The following PLCE1 variants were observed in gnomAD, a reference collection of about 807,000 sequenced individuals.
PLCE1 encodes the protein 1-phosphatidylinositol 4,5-bisphosphate phosphodiesterase epsilon-1.
PLCE1 carries 119 observed loss-of-function variants against 242.8 expected under a neutral mutation model. That is an observed-to-expected ratio of 0.49 (90% CI 0.42 to 0.57). The LOEUF (loss-of-function observed/expected upper bound fraction) is 0.57. Ranked by LOEUF, PLCE1 falls within the 20% of genes least tolerant of loss-of-function variation. PLCE1 has a pLI of 0.00. For synonymous variants in PLCE1, 945 were observed against 1,017.4 expected, an observed-to-expected ratio of 0.93 and a Z score of 1.35; for missense variants, 2,441 against 2,788.8, an observed-to-expected ratio of 0.88 and a Z score of 2.81.
At chr10:94,027,927 C>G (rs2061484059) in intron 1 of PLCE1, among the ~76,000 whole-genome samples, 1 of 152,038 alleles carries the variant, frequency 6.6e-6, no homozygotes, top group Admixed American at 6.6e-5. Context: ...AAACCCAAAC[C>G]CATAGGGCTT....
At chr10:94,258,396 C>G (rs924342612) in intron 11 of PLCE1, among the ~76,000 whole-genome samples, 3 of 152,148 alleles carry the variant, frequency 2.0e-5, no homozygotes, top group African/African-American at 7.2e-5. Flanking sequence ...AAATGTAATT[C>G]TATAACTTAG....
At chr10:94,295,137 C>T (rs549837155) in intron 23 of PLCE1, among the ~76,000 whole-genome samples, 13 of 151,820 alleles carry the variant, frequency 8.6e-5, no homozygotes, top group Admixed American at 4.6e-4. Context: ...AGGGTGGTCT[C>T]GATCTCCTCA....
chr10:94,296,936 C>T (rs984340729), intron 23 of PLCE1, among the ~76,000 whole-genome samples: 1 of 151,628 alleles, frequency 6.6e-6, no homozygotes, highest in Admixed American at 6.6e-5. Flanking sequence ...TGCAGTGGCG[C>T]GATCTCAGCT....
intron 2 of PLCE1, among the ~76,000 whole-genome samples, chr10:94,114,402 C>G (rs112511322): frequency 1.3e-5 from 2 of 152,194 alleles, no homozygotes; most frequent in Non-Finnish European, 2.9e-5. Context: ...CTCAGGCTAA[C>G]AGTCTGATCT....
intron 2 of PLCE1, among the ~76,000 whole-genome samples, chr10:94,102,036 GA>G (rs2045557366): frequency 6.6e-6 from 1 of 152,176 alleles, no homozygotes. Context: ...GGGAATCTGA[GA>G]AAGGGGGGCA....
chr10:94,010,697 C>A (rs1178318033), intron 1 of PLCE1, among the ~76,000 whole-genome samples: 2 of 152,216 alleles, frequency 1.3e-5, no homozygotes, highest in Non-Finnish European at 2.9e-5. Flanking sequence ...TACCCCAAGT[C>A]ATCATTCTTA....
At chr10:93,994,341 C>A (rs949902578) in intron 1 of PLCE1, among the ~76,000 whole-genome samples, 83 bp downstream of exon 1, 3 of 152,226 alleles carry the variant, frequency 2.0e-5, no homozygotes, top group African/African-American at 7.2e-5. Context: ...GCAGTCGACC[C>A]GCCTAAGGGA....
intron 5 of PLCE1, among the ~76,000 whole-genome samples, chr10:94,228,785 G>T (rs1391702180): frequency 1.3e-5 from 2 of 151,998 alleles, no homozygotes; most frequent in African/African-American, 4.8e-5. Context: ...ATCAGGCATG[G>T]CTCAAAAGAA....
chr10:94,299,186 G>A lies in PLCE1; in HGVS notation c.5458+517G>A, dbSNP rs187779513. On this transcript the variant is annotated intron_variant, in intron 24 of 32. Coordinates refer to ENST00000371380, the MANE Select transcript of PLCE1 (RefSeq NM_016341.4). ...CAACTATGTGAAGTACATGAACAGAGTAAGTAGTGATCATGTTTCTCCAAT... is the reference window on the plus strand; with the variant it reads ...CAACTATGTGAAGTACATGAACAGAATAAGTAGTGATCATGTTTCTCCAAT... Among the ~76,000 whole-genome samples, 8 of 152,334 alleles carry A rather than the reference G, an allele frequency of 5.3e-5. No homozygotes were observed. In the East Asian group the frequency reaches 5.8e-4, roughly 11 times the overall value.
intron 2 of PLCE1, among the ~76,000 whole-genome samples, chr10:94,091,496 T>C (rs919429893): frequency 6.6e-6 from 1 of 152,176 alleles, no homozygotes; most frequent in African/African-American, 2.4e-5. Context: ...GAAAGATAAC[T>C]ATAGTTCATT....
chr10:93,997,883 G>C (rs1177258250), intron 1 of PLCE1, among the ~76,000 whole-genome samples: 2 of 152,150 alleles, frequency 1.3e-5, no homozygotes, highest in Non-Finnish European at 2.9e-5. Context: ...GTGGGTACTG[G>C]TGAAACCATT....
intron 1 of PLCE1, among the ~76,000 whole-genome samples, chr10:93,999,890 C>T (rs2060901152): frequency 6.6e-6 from 1 of 152,232 alleles, no homozygotes; most frequent in South Asian, 2.1e-4. Context: ...CCCTCTGTAA[C>T]TGCCAGTGGG....
intron 4 of PLCE1, among the ~76,000 whole-genome samples, chr10:94,184,934 T>C (rs537957490): frequency 1.3e-5 from 2 of 152,298 alleles, no homozygotes; most frequent in Admixed American, 1.3e-4. Flanking sequence ...ACCATCTATA[T>C]AGTAGATGTG....
At chr10:94,180,170 C>A (rs2048267177) in intron 4 of PLCE1, among the ~76,000 whole-genome samples, 2 of 152,080 alleles carry the variant, frequency 1.3e-5, no homozygotes, top group Non-Finnish European at 2.9e-5. Context: ...AGCTGAGGGA[C>A]CTTCTTTCCA....
At chr10:94,159,670 A>G (rs1247487363) in intron 3 of PLCE1, among the ~76,000 whole-genome samples, 1 of 152,130 alleles carries the variant, frequency 6.6e-6, no homozygotes, top group African/African-American at 2.4e-5. Context: ...CACAACATGC[A>G]GGTTTGTTAC....
intron 2 of PLCE1, among the ~76,000 whole-genome samples, chr10:94,073,112 C>A (rs1479182876): frequency 6.6e-6 from 1 of 152,122 alleles, no homozygotes; most frequent in Non-Finnish European, 1.5e-5. Flanking sequence ...AGTTTCCCAC[C>A]CCAAACTTCC....
At chr10:94,224,208 A>G (rs1401807566) in intron 4 of PLCE1, among the ~76,000 whole-genome samples, 5 of 152,142 alleles carry the variant, frequency 3.3e-5, no homozygotes, top group African/African-American at 1.2e-4. Context: ...GCAATGGAAC[A>G]GTTGGTTTAA....
chr10:94,316,128 C>T (rs993612716), intron 28 of PLCE1, among the ~76,000 whole-genome samples: 1 of 152,120 alleles, frequency 6.6e-6, no homozygotes, highest in South Asian at 2.1e-4. Flanking sequence ...GAGAACCTAG[C>T]CCTACAAACC....
chr10:94,056,504 T>C (rs2043908079), intron 2 of PLCE1, among the ~76,000 whole-genome samples: 1 of 152,166 alleles, frequency 6.6e-6, no homozygotes, highest in African/African-American at 2.4e-5. Flanking sequence ...ATCCAACCAC[T>C]AAAGGATGCC....
Sources: allele counts gnomAD v4.1 joint callset (sites outside exome capture counted in the v4.1 genomes callset), GRCh38; gene constraint gnomAD v4.1.1; transcripts MANE v1.5; gene names NCBI Gene and HGNC (gene_info 2026-07-23, HGNC 2026-07-21).